The following CTNNA2 variants were observed in gnomAD, a reference collection of about 807,000 sequenced individuals.
The protein encoded by CTNNA2 is catenin alpha-2.
Under a neutral mutation model 101.0 loss-of-function variants are expected in CTNNA2, and 42 were observed. That is an observed-to-expected ratio of 0.42 (90% CI 0.32 to 0.54). CTNNA2 has a LOEUF of 0.54. Ranked by LOEUF, CTNNA2 falls within the 20% of genes least tolerant of loss-of-function variation. CTNNA2 has a pLI of 0.14. For missense variants in CTNNA2, 871 were observed against 1,223.1 expected (o/e 0.71, Z 4.29); for synonymous variants, 450 against 456.4 (o/e 0.99, Z 0.18).
At chr2:80,055,699 C>T (rs1371261494) in intron 7 of CTNNA2, among the ~76,000 whole-genome samples, 3 of 152,218 alleles carry the variant, frequency 2.0e-5, no homozygotes, top group Non-Finnish European at 2.9e-5. Flanking sequence ...TCCAGTTTGC[C>T]AGTCTTAACC....
chr2:79,857,266 G>A (rs1218971426), intron 3 of CTNNA2, among the ~76,000 whole-genome samples: 2 of 152,150 alleles, frequency 1.3e-5, no homozygotes, highest in Non-Finnish European at 2.9e-5. Context: ...TCCCCTCTGT[G>A]TTGCCTACTT....
intron 3 of CTNNA2, among the ~76,000 whole-genome samples, chr2:79,838,823 T>G (rs1354153235): frequency 6.6e-6 from 1 of 151,946 alleles, no homozygotes; most frequent in Admixed American, 6.6e-5. Flanking sequence ...ATGAAAACAG[T>G]GCCACATGAT....
chr2:80,141,173 G>C (rs1347964665), intron 7 of CTNNA2, among the ~76,000 whole-genome samples: 1 of 152,082 alleles, frequency 6.6e-6, no homozygotes, highest in Non-Finnish European at 1.5e-5. Flanking sequence ...ACATATTTGA[G>C]AAGGGTGATG....
intron 7 of CTNNA2, chr2:80,298,596 A>G (rs1675968136): frequency 1.3e-5 from 2 of 152,220 alleles, no homozygotes; most frequent in African/African-American, 4.8e-5. Context: ...GGGAGGAATA[A>G]CAAGTGGCAT....
chr2:80,204,916 A>C (rs1356264617), intron 7 of CTNNA2, among the ~76,000 whole-genome samples: 1 of 152,154 alleles, frequency 6.6e-6, no homozygotes, highest in African/African-American at 2.4e-5. Context: ...AGCAAGTCAC[A>C]TCTCACATAG....
intron 9 of CTNNA2, among the ~76,000 whole-genome samples, chr2:80,496,824 C>T (rs1319759530): frequency 2.0e-4 from 31 of 152,154 alleles, no homozygotes; most frequent in Admixed American, 1.9e-3. Context: ...TTTTAAAATT[C>T]TCTTTATATC....
At chr2:80,117,729 G>A (rs774784855) in intron 7 of CTNNA2, among the ~76,000 whole-genome samples, 1 of 152,140 alleles carries the variant, frequency 6.6e-6, no homozygotes, top group African/African-American at 2.4e-5. Flanking sequence ...AATAGGCAAT[G>A]TGGATCATGC....
chr2:80,638,252 C>T (rs1324002958), intron 18 of CTNNA2, among the ~76,000 whole-genome samples: 1 of 152,122 alleles, frequency 6.6e-6, no homozygotes, highest in Non-Finnish European at 1.5e-5. Flanking sequence ...GAATCAGAGA[C>T]AAGATCAACA....
intron 7 of CTNNA2, among the ~76,000 whole-genome samples, chr2:80,380,311 C>T (rs1341235957): frequency 6.6e-6 from 1 of 152,130 alleles, no homozygotes; most frequent in East Asian, 1.9e-4. Flanking sequence ...GCTGGGATTA[C>T]AGGCGTGAGC....
At chr2:80,429,877 A>C (rs746687556) in intron 9 of CTNNA2, among the ~76,000 whole-genome samples, 1 of 152,212 alleles carries the variant, frequency 6.6e-6, no homozygotes, top group Non-Finnish European at 1.5e-5. Context: ...GTCCAAGGAC[A>C]TTTAGTATTT....
chr2:79,533,180 C>T (rs1225569811), intron 1 of CTNNA2, among the ~76,000 whole-genome samples: 3 of 151,888 alleles, frequency 2.0e-5, no homozygotes, highest in Admixed American at 6.6e-5. Context: ...TTATCTGTTC[C>T]CCATTTTTGT....
At chr2:80,599,237 A>G (rs766222093) in intron 15 of CTNNA2, among the ~76,000 whole-genome samples, 5 of 152,228 alleles carry the variant, frequency 3.3e-5, no homozygotes, top group Admixed American at 6.5e-5. Flanking sequence ...CTATAATTAC[A>G]TGTGGCTAGT....
chr2:80,619,329 A>G (rs1318498462), intron 18 of CTNNA2, 101 bp downstream of exon 18: 16 of 1,303,826 alleles, frequency 1.2e-5, no homozygotes, highest in Non-Finnish European at 1.6e-5. Flanking sequence ...TGCCCACTGA[A>G]GGCCTCTTAA....
chr2:79,945,715 A>T (rs1357543801), intron 7 of CTNNA2, among the ~76,000 whole-genome samples: 1 of 152,170 alleles, frequency 6.6e-6, no homozygotes, highest in Non-Finnish European at 1.5e-5. Context: ...ATGAATAGTA[A>T]AATAAGTCAC....
At chr2:79,978,587 T>C (rs1224651570) in intron 7 of CTNNA2, among the ~76,000 whole-genome samples, 1 of 152,184 alleles carries the variant, frequency 6.6e-6, no homozygotes, top group African/African-American at 2.4e-5. Flanking sequence ...CAATCCATTG[T>C]TACCAGTCTA....
intron 2 of CTNNA2, among the ~76,000 whole-genome samples, chr2:79,255,702 C>T (rs1052544524): frequency 6.6e-6 from 1 of 152,146 alleles, no homozygotes; most frequent in African/African-American, 2.4e-5. Flanking sequence ...ATTCAGGACT[C>T]ATACAGTAGC....
At chr2:80,588,680 G>T (rs900791751) in intron 14 of CTNNA2, among the ~76,000 whole-genome samples, 1 of 152,082 alleles carries the variant, frequency 6.6e-6, no homozygotes. Context: ...GTACTCAAAG[G>T]CTTTAACAAG....
intron 15 of CTNNA2, among the ~76,000 whole-genome samples, chr2:80,601,008 C>T (rs1470665474): frequency 6.6e-6 from 1 of 152,186 alleles, no homozygotes; most frequent in Non-Finnish European, 1.5e-5. Context: ...TGATGACGGT[C>T]TACAGGGGAA....
intron 16 of CTNNA2, among the ~76,000 whole-genome samples, 168 bp downstream of exon 16, chr2:80,604,347 G>A (rs1019079983): frequency 1.3e-5 from 2 of 151,960 alleles, no homozygotes; most frequent in African/African-American, 4.8e-5. Context: ...CACTGTGCTA[G>A]TGGCAAACGT....
Sources: gnomAD v4.1 joint callset for allele counts (sites outside exome capture counted in the v4.1 genomes callset) on GRCh38, gnomAD v4.1.1 for gene constraint, MANE v1.5 for transcripts, NCBI Gene and HGNC (gene_info 2026-07-23, HGNC 2026-07-21) for gene names.